JAK1: variants seen among roughly 807,000 people sequenced by gnomAD.
JAK1 encodes the protein Janus kinase 1, also known as tyrosine-protein kinase JAK1.
A neutral mutation model predicts 136.6 loss-of-function variants in JAK1; 16 were observed. That is an observed-to-expected ratio of 0.12 (90% CI 0.08 to 0.18). The LOEUF is 0.18. Ranked by LOEUF, JAK1 falls within the 10% of genes least tolerant of loss-of-function variation. The probability of loss-of-function intolerance (pLI) is 1.00; values close to 1 mark genes in which losing one functional copy is unlikely to be tolerated. For synonymous variants in JAK1, 492 were observed against 519.5 expected (o/e 0.95, Z 0.72); for missense variants, 859 against 1,450.1 (o/e 0.59, Z 6.62).
At position 65,035,008 on chromosome 1, in the gene JAK1, A is replaced by G. The variant is rs185479512; in HGVS notation, c.-78+9472T>C. On this transcript the variant is annotated intron_variant, in intron 2 of 25. Transcript: ENST00000671954. ...GAGGCGGAGGTTGCAGTGAGCTGAG[A>G]TCGCACCATTGCACTCCAGCTTGGG... Among the ~76,000 whole-genome samples, 1,383 of 152,234 alleles carry G rather than the reference A, an allele frequency of 9.1e-3. 13 individuals are homozygous for G. Among genetic ancestry groups the G allele is most frequent in the African/African-American group, 0.032 (1,317 of 41,524 alleles).
chr1:65,059,736 A>G (rs2100886014), intron 1 of JAK1, among the ~76,000 whole-genome samples: 1 of 152,292 alleles, frequency 6.6e-6, no homozygotes, highest in Non-Finnish European at 1.5e-5. Flanking sequence ...TTTCCATGTC[A>G]TAAGGTTTCA....
intron 2 of JAK1, among the ~76,000 whole-genome samples, chr1:65,008,440 C>CT (rs202120183): frequency 0.011 from 1,640 of 151,432 alleles, 23 homozygotes; most frequent in African/African-American, 0.037. Flanking sequence ...CTATGAACTT[C>CT]TTTTTTTTTC....
chr1:64,939,252 G>T (rs1408760771), intron 1 of JAK1, among the ~76,000 whole-genome samples: 1 of 152,260 alleles, frequency 6.6e-6, no homozygotes, highest in Non-Finnish European at 1.5e-5. Context: ...GTGAGCAACA[G>T]ATCTAGGCAT....
chr1:64,966,519 C>G lies in JAK1; in HGVS notation c.-264G>C, dbSNP rs1234227238. On this transcript the variant is annotated 5_prime_UTR_variant, in exon 1 of 25. Coordinates refer to ENST00000342505, the MANE Select transcript of JAK1 (RefSeq NM_002227.4). ...CACTGTCTGCAGCTCCAGGATACTCCGCGGCCGCCGCGGCCTGCGCTCAGC... is the reference window on the plus strand; with the variant it reads ...CACTGTCTGCAGCTCCAGGATACTCGGCGGCCGCCGCGGCCTGCGCTCAGC... The G allele has an allele frequency of 6.7e-6, 1 of 150,158 alleles. No homozygotes were observed. The highest frequency in any genetic ancestry group is 1.5e-5 in the Non-Finnish European group (1 of 67,324). The allele number at this position is 150,158 out of a possible 1,614,324, so 9.3% of individuals were successfully genotyped here.
chr1:65,054,816 T>C (rs1647457297), intron 1 of JAK1, among the ~76,000 whole-genome samples: 1 of 152,210 alleles, frequency 6.6e-6, no homozygotes, highest in African/African-American at 2.4e-5. Context: ...TCTAAAGCTA[T>C]GCTATGTTGG....
chr1:64,990,921 A>G (rs1465919821), intron 2 of JAK1: 3 of 132,518 alleles, frequency 2.3e-5, no homozygotes, highest in African/African-American at 8.7e-5. Flanking sequence ...CTCCGTCTCA[A>G]AAAAAAAAAA....
intron 2 of JAK1, chr1:64,987,397 T>C (rs1302145921): frequency 1.3e-5 from 2 of 152,218 alleles, no homozygotes; most frequent in Non-Finnish European, 2.9e-5. Context: ...GAACATGGGA[T>C]AACTAGTGAC....
intron 10 of JAK1, 64 bp from the exon 11 acceptor site, chr1:64,855,762 T>G: frequency 7.2e-7 from 1 of 1,384,318 alleles, no homozygotes; most frequent in Non-Finnish European, 1.0e-6. Flanking sequence ...ATGTAAGATA[T>G]TAACATTAGG....
At chr1:65,035,528 C>A (rs1392561853) in intron 2 of JAK1, among the ~76,000 whole-genome samples, 1 of 152,204 alleles carries the variant, frequency 6.6e-6, no homozygotes, top group African/African-American at 2.4e-5. Context: ...TTCTCAACTT[C>A]ATTCTACTCT....
chr1:64,942,977 T>C (rs1212806947), intron 1 of JAK1, among the ~76,000 whole-genome samples: 1 of 152,206 alleles, frequency 6.6e-6, no homozygotes, highest in African/African-American at 2.4e-5. Flanking sequence ...GGAAATTAAA[T>C]ACTATATTTA....
chr1:65,052,768 C>T (rs1203618537), intron 1 of JAK1, among the ~76,000 whole-genome samples: 5 of 149,914 alleles, frequency 3.3e-5, no homozygotes, highest in East Asian at 2.0e-4. Context: ...GAGCTGAGAT[C>T]GCGCCACTGC....
chr1:64,999,332 T>C (rs1206418224), intron 2 of JAK1, among the ~76,000 whole-genome samples: 1 of 152,200 alleles, frequency 6.6e-6, no homozygotes, highest in East Asian at 1.9e-4. Context: ...TTTGAACACA[T>C]ACCTGGGCAC....
chr1:64,952,085 T>C (rs1223572418), intron 1 of JAK1, among the ~76,000 whole-genome samples: 1 of 152,120 alleles, frequency 6.6e-6, no homozygotes, highest in African/African-American at 2.4e-5. Flanking sequence ...ATTTAACACA[T>C]AAAGTATCTG....
chr1:65,039,093 A>C (rs1453123197), intron 2 of JAK1, among the ~76,000 whole-genome samples: 1 of 152,204 alleles, frequency 6.6e-6, no homozygotes, highest in African/African-American at 2.4e-5. Context: ...CGCCACACCC[A>C]GCCAGTACAC....
chr1:64,858,709 G>A (rs1656101943), intron 9 of JAK1, among the ~76,000 whole-genome samples: 1 of 152,208 alleles, frequency 6.6e-6, no homozygotes, highest in African/African-American at 2.4e-5. Flanking sequence ...CTCATATTCT[G>A]GGAGGTGAGG....
chr1:64,941,566 C>T (rs1329017652), intron 1 of JAK1, among the ~76,000 whole-genome samples: 1 of 152,134 alleles, frequency 6.6e-6, no homozygotes, highest in Non-Finnish European at 1.5e-5. Context: ...AAAAAACTGG[C>T]CTCCTTTCAG....
chr1:65,062,939 G>A (rs535425400), intron 1 of JAK1, among the ~76,000 whole-genome samples: 1 of 152,196 alleles, frequency 6.6e-6, no homozygotes, highest in Non-Finnish European at 1.5e-5. Context: ...CTTAGGTGAG[G>A]TGTTTGGCAG....
At chr1:64,857,839 TG>T in intron 9 of JAK1, 60 bp from the exon 10 acceptor site, 2 of 1,597,090 alleles carry the variant, frequency 1.3e-6, no homozygotes, top group Non-Finnish European at 1.7e-6. Flanking sequence ...TTTGAACCTC[TG>T]GGCTATCCAC....
chr1:65,059,966 T>C (rs1483100520), intron 1 of JAK1, among the ~76,000 whole-genome samples: 1 of 152,104 alleles, frequency 6.6e-6, no homozygotes, highest in Non-Finnish European at 1.5e-5. Flanking sequence ...ACTATGAAAA[T>C]GACCTTATCT....
Sources: gnomAD v4.1 joint callset for allele counts (sites outside exome capture counted in the v4.1 genomes callset) on GRCh38, gnomAD v4.1.1 for gene constraint, MANE v1.5 for transcripts, NCBI Gene and HGNC (gene_info 2026-07-23, HGNC 2026-07-21) for gene names.